MYT1L: variants seen among roughly 807,000 people sequenced by gnomAD.
MYT1L encodes the protein myelin transcription factor 1 like, also known as myelin transcription factor 1-like protein.
In MYT1L, 12 loss-of-function variants were observed where a neutral mutation model predicts 126.7. That is an observed-to-expected ratio of 0.09 (90% CI 0.06 to 0.15). The LOEUF is 0.15. MYT1L is among the 10% of genes least tolerant of loss of function. MYT1L has a pLI of 1.00. For synonymous variants in MYT1L, 541 were observed against 604.2 expected (o/e 0.90, Z 1.53); for missense variants, 979 against 1,585.2 (o/e 0.62, Z 6.49).
At chr2:1,838,948 G>C (rs2041263692) in intron 21 of MYT1L, among the ~76,000 whole-genome samples, 1 of 152,234 alleles carries the variant, frequency 6.6e-6, no homozygotes, top group Non-Finnish European at 1.5e-5. Flanking sequence ...GGGAGGCTGG[G>C]CTCCCTAATG....
chr2:1,863,713 T>C (rs1484405107), intron 18 of MYT1L, among the ~76,000 whole-genome samples: 1 of 144,204 alleles, frequency 6.9e-6, no homozygotes, highest in African/African-American at 2.5e-5. Flanking sequence ...GTGGAAGGAC[T>C]TGAACCATGT....
intron 3 of MYT1L, among the ~76,000 whole-genome samples, chr2:2,113,080 C>T (rs2079690132): frequency 6.6e-6 from 1 of 152,206 alleles, no homozygotes; most frequent in Admixed American, 6.5e-5. Flanking sequence ...GCCAGCTTCA[C>T]TGTCTCCTGG....
intron 8 of MYT1L, among the ~76,000 whole-genome samples, chr2:1,954,126 A>G (rs940797769): frequency 3.9e-5 from 6 of 152,194 alleles, no homozygotes; most frequent in African/African-American, 1.4e-4. Context: ...TCACCTAGAA[A>G]ATAAAGTGGC....
At chr2:1,845,632 C>T (rs1200547875) in intron 19 of MYT1L, among the ~76,000 whole-genome samples, 1 of 152,190 alleles carries the variant, frequency 6.6e-6, no homozygotes, top group African/African-American at 2.4e-5. Context: ...CCACTGTCAC[C>T]ATCCAAGTGC....
At chr2:2,252,665 G>A (rs1394196690) in intron 2 of MYT1L, among the ~76,000 whole-genome samples, 1 of 152,146 alleles carries the variant, frequency 6.6e-6, no homozygotes, top group Non-Finnish European at 1.5e-5. Flanking sequence ...AGCAGGGAGG[G>A]CCCGGCATGC....
intron 3 of MYT1L, among the ~76,000 whole-genome samples, chr2:2,165,617 A>G (rs544850284): frequency 1.3e-5 from 2 of 152,328 alleles, no homozygotes; most frequent in South Asian, 4.1e-4. Context: ...AAACATAACT[A>G]GGATATATAA....
intron 18 of MYT1L, 80 bp from the exon 19 acceptor site, chr2:1,851,783 A>G: frequency 7.4e-7 from 1 of 1,356,700 alleles, no homozygotes; most frequent in Non-Finnish European, 1.1e-6. Flanking sequence ...TAATCCAAAA[A>G]GCAAACTAAC....
intron 4 of MYT1L, among the ~76,000 whole-genome samples, chr2:2,016,786 C>G (rs1043856833): frequency 2.0e-5 from 3 of 152,334 alleles, no homozygotes; most frequent in East Asian, 1.9e-4. Context: ...CGTGAAGACA[C>G]GAAACCACAT....
chr2:1,840,300 G>C lies in MYT1L; in HGVS notation c.2858+460C>G, dbSNP rs181420346. On this transcript the variant is annotated intron_variant, in intron 20 of 24. Transcript: ENST00000647738. ...TTGGGCAGCCCAGCGGTAGTCACAG[G>C]CTCCAAGCTCAGTGTCCACTGCAGC... Among the ~76,000 whole-genome samples the C allele has an allele frequency of 3.8e-3, 586 of 152,270 alleles. 2 individuals carry two copies. Among genetic ancestry groups the C allele is most frequent in the African/African-American group, 0.014 (563 of 41,546 alleles).
intron 3 of MYT1L, among the ~76,000 whole-genome samples, chr2:2,161,680 C>A (rs541168061): frequency 6.6e-6 from 1 of 152,150 alleles, no homozygotes; most frequent in Non-Finnish European, 1.5e-5. Context: ...CCTGGGTATG[C>A]GGCAATAGAG....
At chr2:2,205,214 A>C (rs2093266990) in intron 2 of MYT1L, among the ~76,000 whole-genome samples, 1 of 152,034 alleles carries the variant, frequency 6.6e-6, no homozygotes, top group South Asian at 2.1e-4. Flanking sequence ...ACATGTATAC[A>C]TATGTAACAA....
chr2:2,317,080 G>A (rs2096077969), intron 1 of MYT1L, among the ~76,000 whole-genome samples: 1 of 151,968 alleles, frequency 6.6e-6, no homozygotes, highest in African/African-American at 2.4e-5. Context: ...GCCTCCCAAA[G>A]TGCTGAGGTT....
intron 8 of MYT1L, among the ~76,000 whole-genome samples, chr2:1,976,727 C>T (rs535842154): frequency 1.7e-3 from 259 of 152,308 alleles, no homozygotes; most frequent in Middle Eastern, 6.8e-3. Context: ...ATCCATGAGT[C>T]TTACCTAATA....
intron 2 of MYT1L, among the ~76,000 whole-genome samples, chr2:2,180,566 G>A (rs765105750): frequency 6.6e-6 from 1 of 151,680 alleles, no homozygotes; most frequent in Non-Finnish European, 1.5e-5. Context: ...GTGGGCCCGT[G>A]TGTGTACCTG....
At chr2:1,892,372 C>G in intron 14 of MYT1L, 85 bp from the exon 15 acceptor site, 1 of 1,486,974 alleles carries the variant, frequency 6.7e-7, no homozygotes, top group Non-Finnish European at 9.0e-7. Context: ...CCCGCCCCGG[C>G]CTCAGCCACA....
At chr2:2,043,181 T>A (rs917073632) in intron 4 of MYT1L, among the ~76,000 whole-genome samples, 1 of 152,202 alleles carries the variant, frequency 6.6e-6, no homozygotes, top group Non-Finnish European at 1.5e-5. Flanking sequence ...ATGGCTTCTA[T>A]GCCCTGTGGA....
chr2:2,088,517 G>A lies in MYT1L; in HGVS notation c.-303-34394C>T, dbSNP rs954089803. On this transcript the variant is annotated intron_variant, in intron 3 of 24. Coordinates refer to ENST00000647738, the MANE Select transcript of MYT1L (RefSeq NM_001303052.2). ...TCCAGTCCTTCCCCTGGGCCCTGAA[G>A]TGAGACAATCCCAGGCACTGGTGGT... 2.6e-5 allele frequency among the ~76,000 whole-genome samples: 4 copies of A among 152,144 alleles called. No homozygotes were observed. In the South Asian group the frequency reaches 6.2e-4, roughly 24 times the overall value.
chr2:2,184,857 G>A (rs2091948006), intron 2 of MYT1L, among the ~76,000 whole-genome samples: 1 of 152,206 alleles, frequency 6.6e-6, no homozygotes, highest in South Asian at 2.1e-4. Flanking sequence ...CAGCTACCCA[G>A]AAAGGGACCC....
rs199765631 is a variant in MYT1L at position 1,813,854 on chromosome 2, C to G, written c.3081-4687G>C. On this transcript the variant is annotated intron_variant, in intron 21 of 24. Transcript: ENST00000647738. ...CATCCTGGCTAACACGGTGAAACCC[C>G]GTCTGTACTAGAAATACAAAAAATT... Among the ~76,000 whole-genome samples the G allele has an allele frequency of 6.0e-3, 588 of 97,814 alleles. 4 individuals carry two copies. The highest frequency in any genetic ancestry group is 0.014 in the East Asian group (45 of 3,320). The allele number at this position is 97,814 out of a possible 152,430, so 64.2% of individuals were successfully genotyped here. A position where few individuals can be genotyped will look rare whatever the true frequency, so the allele number is the denominator to read the frequency against.
Sources: gnomAD v4.1 joint callset for allele counts (sites outside exome capture counted in the v4.1 genomes callset) on GRCh38, gnomAD v4.1.1 for gene constraint, MANE v1.5 for transcripts, NCBI Gene and HGNC (gene_info 2026-07-23, HGNC 2026-07-21) for gene names.